RGS12: variants seen among roughly 807,000 people sequenced by gnomAD.
RGS12 encodes the protein regulator of G protein signaling 12.
A neutral mutation model predicts 120.1 loss-of-function variants in RGS12; 66 were observed. The observed-to-expected ratio is 0.55, with a 90% CI of 0.45 to 0.67. The LOEUF (loss-of-function observed/expected upper bound fraction) is 0.67. Ranked by LOEUF, RGS12 falls within the 30% of genes least tolerant of loss-of-function variation. The probability of loss-of-function intolerance (pLI) is 0.00; values close to 1 mark genes in which losing one functional copy is unlikely to be tolerated. For synonymous variants in RGS12, 827 were observed against 804.7 expected (o/e 1.03, Z -0.47); for missense variants, 1,859 against 1,957.7 (o/e 0.95, Z 0.95).
At position 3,390,755 on chromosome 4, in the gene RGS12, G is replaced by A. The variant is rs1057472328; in HGVS notation, c.2020+4318G>A. ...CCTAGCCTTGTGTCTTCATCTCGCC[G>A]GTCCTTGTTAGCGAACAGGCACTGA... On this transcript the variant is annotated intron_variant, in intron 4 of 17. Coordinates refer to ENST00000336727, the MANE Select transcript of RGS12 (RefSeq NM_001394154.1). This position sits in a 1 kb window ranked among gnomAD's most constrained non-coding sequence, Gnocchi z 4.6. Among the ~76,000 whole-genome samples the A allele has an allele frequency of 5.9e-5, 9 of 152,288 alleles. No homozygotes were observed. Among genetic ancestry groups the A allele is most frequent in the African/African-American group, 2.2e-4 (9 of 41,552 alleles).
At chr4:3,385,316 A>G (rs1263519673) in intron 3 of RGS12, 2 of 152,422 alleles carry the variant, frequency 1.3e-5, no homozygotes, top group Middle Eastern at 3.4e-3. Flanking sequence ...GTTCCTGCCT[A>G]GATAGCAGCA....
chr4:3,430,110 C>T (rs1474886662), intron 16 of RGS12, among the ~76,000 whole-genome samples: 1 of 152,232 alleles, frequency 6.6e-6, no homozygotes, highest in African/African-American at 2.4e-5. Context: ...ACGGCATCAG[C>T]GCGTAACCGT....
intron 4 of RGS12, among the ~76,000 whole-genome samples, chr4:3,402,263 A>G (rs1322336165): frequency 6.6e-6 from 1 of 152,248 alleles, no homozygotes; most frequent in African/African-American, 2.4e-5. Context: ...TACCATTTAT[A>G]TGGCCACCAT....
At chr4:3,432,076 C>G (rs1186767856) in intron 17 of RGS12, 31 of 985,302 alleles carry the variant, frequency 3.1e-5, no homozygotes, top group Non-Finnish European at 3.5e-5. Context: ...CACCCCTGGC[C>G]TGAGTCCCCC....
intron 3 of RGS12, among the ~76,000 whole-genome samples, chr4:3,376,308 C>T (rs1013214781): frequency 4.7e-5 from 7 of 149,994 alleles, no homozygotes; most frequent in East Asian, 3.9e-4. Flanking sequence ...AAGGGAGAAG[C>T]GCAGGTCTGT....
chr4:3,370,226 G>A, intron 3 of RGS12: 1 of 1,606,434 alleles, frequency 6.2e-7, no homozygotes, highest in Middle Eastern at 1.7e-4. Context: ...GTTGAATGGT[G>A]TGTCTTAGAC....
chr4:3,419,330 CAA>C lies in RGS12; in HGVS notation c.2762-1297_2762-1296del, dbSNP rs59103956. On this transcript the variant is annotated intron_variant, in intron 9 of 17. Coordinates refer to ENST00000336727, the MANE Select transcript of RGS12 (RefSeq NM_001394154.1). The stretch of plus-strand genomic sequence containing the variant: ...TGGGCAACAGAGCGAGACTCCGTCT[CAA>C]AAAAAAAAAAAAAATTAGCTGGGTG... 8.3e-4 allele frequency: 84 copies of C among 100,628 alleles called. 4 individuals are homozygous for C. In the South Asian group the frequency reaches 0.019, roughly 23 times the overall value. The allele number at this position is 100,628 out of a possible 1,614,324, so 6.2% of individuals were successfully genotyped here.
chr4:3,353,039 C>T lies in RGS12; in HGVS notation c.1998+9986C>T, dbSNP rs1316753444. Among the ~76,000 whole-genome samples, 8 of 152,338 alleles carry T rather than the reference C, an allele frequency of 5.3e-5. No homozygotes were observed. In the East Asian group the frequency reaches 7.7e-4, roughly 15 times the overall value. ...CACTGAGTCTCTCTAGGTTCTGTCT[C>T]GCACCCTCCAGAGTGCGTGTGGTGT... On this transcript the variant is annotated intron_variant, in intron 3 of 17. Transcript: ENST00000336727.
chr4:3,431,119 A>G (rs1724258051), intron 17 of RGS12, 164 bp downstream of exon 17: 4 of 1,434,930 alleles, frequency 2.8e-6, no homozygotes, highest in Non-Finnish European at 3.6e-6. Context: ...CTTGGAAAGG[A>G]GGGGCTCGTG....
intron 12 of RGS12, among the ~76,000 whole-genome samples, chr4:3,423,278 C>G (rs1723235451): frequency 6.6e-6 from 1 of 152,212 alleles, no homozygotes; most frequent in Non-Finnish European, 1.5e-5. Context: ...GGATGCCCCA[C>G]AGGTAGCCAG....
At chr4:3,379,976 G>A (rs909921059) in intron 3 of RGS12, among the ~76,000 whole-genome samples, 1 of 152,150 alleles carries the variant, frequency 6.6e-6, no homozygotes, top group Non-Finnish European at 1.5e-5. Flanking sequence ...ACTCATTCTA[G>A]CATTAACTCA....
intron 3 of RGS12, among the ~76,000 whole-genome samples, chr4:3,352,864 C>A (rs888775693): frequency 6.6e-6 from 1 of 152,184 alleles, no homozygotes; most frequent in Non-Finnish European, 1.5e-5. Context: ...AACATAGTGA[C>A]TCCGTTTTGA....
chr4:3,398,837 CT>C (rs1247292660), intron 4 of RGS12, among the ~76,000 whole-genome samples: 1 of 152,074 alleles, frequency 6.6e-6, no homozygotes, highest in Admixed American at 6.5e-5. Context: ...GGAAAATACA[CT>C]TTTTTTCTAA....
intron 3 of RGS12, among the ~76,000 whole-genome samples, chr4:3,344,448 A>C (rs1578780188): frequency 6.6e-6 from 1 of 152,284 alleles, no homozygotes; most frequent in Middle Eastern, 3.4e-3. Flanking sequence ...TGAGCTGACC[A>C]TCTGTGCACA....
intron 16 of RGS12, 134 bp downstream of exon 16, chr4:3,428,845 C>T: frequency 1.3e-6 from 1 of 756,078 alleles, no homozygotes; most frequent in East Asian, 2.7e-5. Flanking sequence ...AGACATGTTT[C>T]TCCCGGGGGC....
In RGS12 at chr4:3,439,597, T is replaced by A; in HGVS notation, c.4257T>A (p.Pro1419=). The change falls in exon 18 of 18, where the codon CCT becomes CCA. Residue 1419 remains proline, a synonymous_variant. Transcript: ENST00000336727. Reference sequence around the variant, plus strand: ...GGAGGTCGCAGGCCAGTGGTGGGCCTCCTACATCAGACCTCCCTGGCTTGG... The same window carrying A: ...GGAGGTCGCAGGCCAGTGGTGGGCCACCTACATCAGACCTCCCTGGCTTGG... ...GPGRSQASGG[P]PTSDLPGLGP... 6.2e-7 allele frequency: 1 copy of A among 1,609,576 alleles called. No homozygotes were observed. The highest frequency in any genetic ancestry group is 8.5e-7 in the Non-Finnish European group (1 of 1,178,118).
Position 3,430,822 on chromosome 4 carries a change from G to A in RGS12, c.3981G>A (p.Gly1327=). The A allele has an allele frequency of 6.2e-7, 1 of 1,612,014 alleles. No individual in the cohort carries two copies. The highest frequency in any genetic ancestry group is 8.5e-7 in the Non-Finnish European group (1 of 1,179,602). ...GGCAGTCTCAGGAAGTGGAGGCCGG[G>A]GGCATCCAGACGGTGGAGGATGAGC... ...WKRQSQEVEA[G]GIQTVEDEHV... is the part of the protein sequence containing the mutation. Residue 1327 remains glycine, a synonymous_variant, in exon 17 of 18, where the codon GGG becomes GGA. Coordinates refer to ENST00000336727, the MANE Select transcript of RGS12 (RefSeq NM_001394154.1).
chr4:3,362,481 T>TG (rs1715690544), intron 3 of RGS12, among the ~76,000 whole-genome samples: 3 of 76,780 alleles, frequency 3.9e-5, no homozygotes, highest in Non-Finnish European at 8.7e-5. Flanking sequence ...AGGGTGTGTG[T>TG]ATGTGAGGGT....
chr4:3,307,035 C>A (rs1724010358), intron 1 of RGS12, among the ~76,000 whole-genome samples: 2 of 152,224 alleles, frequency 1.3e-5, no homozygotes, highest in East Asian at 3.8e-4. Flanking sequence ...ACATCACTCT[C>A]TTTTCTGAGT....
Sources: allele counts gnomAD v4.1 joint callset (sites outside exome capture counted in the v4.1 genomes callset), GRCh38; gene constraint gnomAD v4.1.1; non-coding constraint Gnocchi (gnomAD v3.1); transcripts MANE v1.5; gene names NCBI Gene and HGNC (gene_info 2026-07-23, HGNC 2026-07-21).